ZGRF1: variants seen among roughly 807,000 people sequenced by gnomAD.
ZGRF1 encodes zinc finger GRF-type containing 1, also known as 5'-3' DNA helicase ZGRF1.
A neutral mutation model predicts 203.5 loss-of-function variants in ZGRF1; 196 were observed. The observed-to-expected ratio is 0.96, with a 90% CI of 0.86 to 1.08. The LOEUF is 1.08. Among genes scored for constraint, ZGRF1 ranks in the 50% least tolerant of loss-of-function variants. ZGRF1 has a pLI of 0.00. For missense variants in ZGRF1, 2,326 were observed against 2,416.3 expected, an observed-to-expected ratio of 0.96 and a Z score of 0.78; for synonymous variants, 809 against 841.3, an observed-to-expected ratio of 0.96 and a Z score of 0.66.
chr4:112,547,164 C>G, intron 24 of ZGRF1, 121 bp downstream of exon 24: 2 of 1,009,326 alleles, frequency 2.0e-6, no homozygotes, highest in Non-Finnish European at 2.8e-6. Flanking sequence ...CCAGACAACT[C>G]CAATTATACA....
intron 5 of ZGRF1, 138 bp from the exon 6 acceptor site, chr4:112,619,828 C>T: frequency 3.3e-6 from 3 of 921,630 alleles, no homozygotes; most frequent in Non-Finnish European, 4.7e-6. Flanking sequence ...TAAAGTTTGT[C>T]AAAGTACATT....
At position 112,619,099 on chromosome 4, in the gene ZGRF1, G is replaced by T; in HGVS notation, c.943C>A (p.His315Asn). The T allele has an allele frequency of 6.2e-7, 1 of 1,613,774 alleles. No individual in the cohort carries two copies. Among genetic ancestry groups the T allele is most frequent in the Non-Finnish European group, 8.5e-7 (1 of 1,179,868 alleles). ...MKSTENLYYQHQSENTMRNKS... is the reference protein window; with the variant it reads ...MKSTENLYYQNQSENTMRNKS... ...TTTCTCATGGTATTTTCTGATTGAT[G>T]CTGGTAGTATAAATTTTCTGTGCTC... The change falls in exon 6 of 28, where the codon CAT (histidine) becomes AAT (asparagine). Residue 315 changes from histidine (H) to asparagine (N), a missense_variant. By Grantham distance (68) the His-to-Asn change is moderately conservative. Transcript: ENST00000505019.
intron 14 of ZGRF1, among the ~76,000 whole-genome samples, chr4:112,584,792 A>AT (rs1746886287): frequency 1.3e-5 from 2 of 152,248 alleles, no homozygotes; most frequent in Non-Finnish European, 2.9e-5. Flanking sequence ...TGGGATATGC[A>AT]AATGGTGGAA....
At chr4:112,566,337 T>C in intron 16 of ZGRF1, among the ~76,000 whole-genome samples, 1 of 100,598 alleles carries the variant, frequency 9.9e-6, no homozygotes, top group African/African-American at 3.9e-5. Context: ...CTGGGGACTG[T>C]TGTGGGGTGG....
intron 24 of ZGRF1, among the ~76,000 whole-genome samples, chr4:112,546,516 G>A (rs4833413): frequency 0.03 from 4,566 of 152,264 alleles, 93 homozygotes; most frequent in Non-Finnish European, 0.043. Context: ...TCATGTGTTG[G>A]AAACTTCATC....
intron 24 of ZGRF1, among the ~76,000 whole-genome samples, chr4:112,543,487 G>A (rs1738110863): frequency 2.0e-5 from 3 of 151,966 alleles, no homozygotes; most frequent in Admixed American, 2.0e-4. Context: ...TCTACTCTGC[G>A]ACTAAATCAC....
At chr4:112,610,930 CA>C (rs1751485413) in intron 7 of ZGRF1, 2 of 301,852 alleles carry the variant, frequency 6.6e-6, no homozygotes, top group Non-Finnish European at 1.3e-5. Context: ...TCAATCTAAC[CA>C]TTTTTTTTAA....
At position 112,618,634 on chromosome 4, in the gene ZGRF1, T is replaced by C. The variant is rs374238276; in HGVS notation, c.1408A>G (p.Lys470Glu). Residue 470 changes from lysine to glutamate, a missense_variant, in exon 6 of 28, where the codon AAG (lysine) becomes GAG (glutamate). Lys to Glu is a moderately conservative substitution (Grantham distance 56, BLOSUM62 1). Transcript: ENST00000505019. ...QEVNTCGTLEKEYEQSESSLP... is the reference protein window; with the variant it reads ...QEVNTCGTLEEEYEQSESSLP... ...GATGACTCTGATTGTTCATACTCCTTTTCCAGTGTTCCACATGTATTTACC... is the reference window on the plus strand; with the variant it reads ...GATGACTCTGATTGTTCATACTCCTCTTCCAGTGTTCCACATGTATTTACC... 2.5e-6 allele frequency: 4 copies of C among 1,613,278 alleles called. No individual in the cohort carries two copies. Among genetic ancestry groups the C allele is most frequent in the Non-Finnish European group, 3.4e-6 (4 of 1,179,662 alleles).
chr4:112,561,676 T>C (rs183666590), intron 18 of ZGRF1: 6 of 152,208 alleles, frequency 3.9e-5, no homozygotes, highest in Admixed American at 1.3e-4. Context: ...AAATTCAAAA[T>C]GAGATATGGC....
rs147585539 is a variant in ZGRF1, at chr4:112,600,476, G to A, written c.2976+3048C>T. 2.3e-3 allele frequency among the ~76,000 whole-genome samples: 346 copies of A among 152,174 alleles called. 1 individual carries two copies. The highest frequency in any genetic ancestry group is 7.6e-3 in the African/African-American group (316 of 41,514). On this transcript the variant is annotated intron_variant, in intron 10 of 27. Transcript: ENST00000505019. ...TGGGAGGCCGAAGCAAGCGGATCACGAGGTCAGGAGTTCGAGTCCTGCCTG... is the reference window on the plus strand; with the variant it reads ...TGGGAGGCCGAAGCAAGCGGATCACAAGGTCAGGAGTTCGAGTCCTGCCTG...
At chr4:112,561,959 G>C (rs1742079172) in intron 18 of ZGRF1, among the ~76,000 whole-genome samples, 1 of 134,158 alleles carries the variant, frequency 7.5e-6, no homozygotes, top group South Asian at 2.3e-4. Context: ...TGTTGCCCAG[G>C]CTGGGGTGCA....
At chr4:112,564,602 AAAGT>A (rs1742656932) in intron 16 of ZGRF1, among the ~76,000 whole-genome samples, 1 of 152,236 alleles carries the variant, frequency 6.6e-6, no homozygotes, top group South Asian at 2.1e-4. Context: ...GAAAGGTATT[AAAGT>A]AAGACTTTCA....
In ZGRF1 at chr4:112,618,807, C is replaced by T; in HGVS notation, c.1235G>A (p.Ser412Asn). ...VKLEIPSFNE[S>N]SSLQVTCSSA... ...GCTACAAGTAACCTGTAAGCTACTG[C>T]TTTCATTGAATGAAGGAATTTCTAA... Residue 412 changes from serine (S) to asparagine (N), a missense_variant, in exon 6 of 28, where the codon AGC becomes AAC. Coordinates refer to ENST00000505019, the MANE Select transcript of ZGRF1 (RefSeq NM_018392.5). 2 of 1,612,840 alleles carry T rather than the reference C, an allele frequency of 1.2e-6. No homozygotes were observed. Among genetic ancestry groups the T allele is most frequent in the Non-Finnish European group, 1.7e-6 (2 of 1,179,728 alleles).
At chr4:112,610,804 A>T (rs1028666360) in intron 7 of ZGRF1, 1 of 158,356 alleles carries the variant, frequency 6.3e-6, no homozygotes, top group African/African-American at 2.4e-5. Context: ...AAAGCACAAG[A>T]TAGCCATAGG....
At chr4:112,587,137 G>T in intron 12 of ZGRF1, 143 bp downstream of exon 12, 1 of 671,550 alleles carries the variant, frequency 1.5e-6, no homozygotes, top group Non-Finnish European at 2.5e-6. Context: ...AGTAAAGGAT[G>T]ATGTAACTGT....
At chr4:112,631,120 C>G (rs187469783) in intron 3 of ZGRF1, among the ~76,000 whole-genome samples, 126 of 152,220 alleles carry the variant, frequency 8.3e-4, no homozygotes, top group African/African-American at 2.8e-3. Flanking sequence ...AAGCATTATG[C>G]CTAGCATATA....
At chr4:112,569,809 G>GTGT (rs780851418) in intron 16 of ZGRF1, among the ~76,000 whole-genome samples, 2 of 151,564 alleles carry the variant, frequency 1.3e-5, no homozygotes, top group African/African-American at 2.4e-5. Context: ...TGTTTATAAG[G>GTGT]AACACCTGTA....
In ZGRF1 at chr4:112,619,007, C is replaced by G. The variant is rs188866585; in HGVS notation, c.1035G>C (p.Gly345=). The G allele has an allele frequency of 2.8e-3, 4,458 of 1,613,748 alleles. 143 individuals are homozygous for G. The South Asian group carries it at 0.047, about 17-fold the overall frequency. ...SSPIHSSTVD[G]NDTERKPKAQ... The stretch of plus-strand genomic sequence containing the variant: ...CCTTGGGTTTCCTTTCTGTATCATT[C>G]CCATCTACAGTAGAAGAATGTATAG... The change falls in exon 6 of 28, where the codon GGG becomes GGC. Residue 345 remains glycine (G), a synonymous_variant. Transcript: ENST00000505019.
At position 112,618,996 on chromosome 4, in the gene ZGRF1, T is replaced by C. The variant is rs147047612; in HGVS notation, c.1046A>G (p.Glu349Gly). The C allele has an allele frequency of 6.2e-7, 1 of 1,613,782 alleles. No homozygotes were observed. Among genetic ancestry groups the C allele is most frequent in the African/African-American group, 1.3e-5 (1 of 74,996 alleles). ...ATCTTCCTGGGCCTTGGGTTTCCTT[T>C]CTGTATCATTCCCATCTACAGTAGA... ...HSSTVDGNDT[E>G]RKPKAQEDDV... Residue 349 changes from glutamate to glycine, a missense_variant, in exon 6 of 28, where the codon GAA becomes GGA. Transcript: ENST00000505019.
Sources: gnomAD v4.1 joint callset for allele counts (sites outside exome capture counted in the v4.1 genomes callset) on GRCh38, gnomAD v4.1.1 for gene constraint, MANE v1.5 for transcripts, NCBI Gene and HGNC (gene_info 2026-07-23, HGNC 2026-07-21) for gene names.